RASAL2: variants seen among roughly 807,000 people sequenced by gnomAD.
The protein encoded by RASAL2 is RAS protein activator like 2.
RASAL2 carries 58 observed loss-of-function variants against 128.9 expected under a neutral mutation model. That is an observed-to-expected ratio of 0.45 (90% CI 0.36 to 0.56). RASAL2 has a LOEUF of 0.56. Ranked by LOEUF, RASAL2 falls within the 20% of genes least tolerant of loss-of-function variation. The pLI is 0.00. For synonymous variants in RASAL2, 561 were observed against 580.8 expected, an observed-to-expected ratio of 0.97 and a Z score of 0.49; for missense variants, 1,360 against 1,601.6, an observed-to-expected ratio of 0.85 and a Z score of 2.57.
intron 1 of RASAL2, chr1:178,123,220 CAT>C (rs1253173393): frequency 4.6e-5 from 7 of 152,156 alleles, no homozygotes; most frequent in Non-Finnish European, 8.8e-5. Context: ...GATCTCCTGA[CAT>C]AGAACATTCA....
intron 3 of RASAL2, among the ~76,000 whole-genome samples, chr1:178,362,569 G>A (rs193195716): frequency 6.1e-4 from 90 of 147,666 alleles, no homozygotes; most frequent in African/African-American, 2.1e-3. Flanking sequence ...TAGTCCTCAT[G>A]TTGTACACTA....
chr1:178,096,273 G>A (rs1199438709), intron 1 of RASAL2, among the ~76,000 whole-genome samples: 1 of 152,152 alleles, frequency 6.6e-6, no homozygotes, highest in Non-Finnish European at 1.5e-5. Flanking sequence ...TGTGATGTTA[G>A]AAATAGGGCC....
At chr1:178,137,751 A>G (rs977791922) in intron 1 of RASAL2, among the ~76,000 whole-genome samples, 2 of 152,210 alleles carry the variant, frequency 1.3e-5, no homozygotes, top group Non-Finnish European at 2.9e-5. Flanking sequence ...CAAATGGTCA[A>G]CAAAAAGTAG....
At chr1:178,228,838 A>G (rs1237823772) in intron 1 of RASAL2, among the ~76,000 whole-genome samples, 1 of 152,166 alleles carries the variant, frequency 6.6e-6, no homozygotes, top group Non-Finnish European at 1.5e-5. Context: ...CCCTCATAAA[A>G]TCTATGAAGC....
intron 4 of RASAL2, among the ~76,000 whole-genome samples, chr1:178,397,795 T>C (rs1673341597): frequency 6.6e-6 from 1 of 151,146 alleles, no homozygotes; most frequent in Admixed American, 6.6e-5. Context: ...TTTTAACTTT[T>C]GGAGAGATGG....
intron 10 of RASAL2, 88 bp from the exon 11 acceptor site, chr1:178,452,328 C>T: frequency 8.6e-7 from 1 of 1,165,856 alleles, no homozygotes. Context: ...GACTCTTAAG[C>T]AAAAGTATAT....
intron 1 of RASAL2, among the ~76,000 whole-genome samples, chr1:178,159,904 A>G (rs1661216308): frequency 6.6e-6 from 1 of 152,098 alleles, no homozygotes; most frequent in Non-Finnish European, 1.5e-5. Context: ...GACTCTGTCT[A>G]AAACAAACAA....
chr1:178,197,732 G>T (rs1299099347), intron 1 of RASAL2, among the ~76,000 whole-genome samples: 1 of 151,976 alleles, frequency 6.6e-6, no homozygotes, highest in African/African-American at 2.4e-5. Flanking sequence ...TAAGTTCTAG[G>T]GTACATGTGC....
intron 1 of RASAL2, among the ~76,000 whole-genome samples, chr1:178,109,760 G>A (rs765087679): frequency 2.1e-4 from 32 of 152,230 alleles, no homozygotes; most frequent in Middle Eastern, 3.4e-3. Flanking sequence ...GTTGGCTGAC[G>A]TCTATAATCC....
chr1:178,472,924 A>T, intron 17 of RASAL2, 151 bp from the exon 18 acceptor site: 1 of 825,366 alleles, frequency 1.2e-6, no homozygotes, highest in Non-Finnish European at 1.9e-6. Context: ...GAACCTGACC[A>T]GTGTGCAGAA....
chr1:178,118,500 T>C (rs2102266945), intron 1 of RASAL2, among the ~76,000 whole-genome samples: 1 of 152,296 alleles, frequency 6.6e-6, no homozygotes, highest in South Asian at 2.1e-4. Context: ...GTTGATCCTA[T>C]TCTAGCATGG....
chr1:178,307,085 G>A (rs2102290314), intron 3 of RASAL2, among the ~76,000 whole-genome samples: 1 of 151,030 alleles, frequency 6.6e-6, no homozygotes, highest in East Asian at 1.9e-4. Context: ...TTATATAACA[G>A]CATGTGCAGT....
intron 1 of RASAL2, among the ~76,000 whole-genome samples, chr1:178,116,672 C>T (rs1243972823): frequency 6.6e-6 from 1 of 152,064 alleles, no homozygotes; most frequent in African/African-American, 2.4e-5. Flanking sequence ...TGCAGTGGCA[C>T]GATCTCGGCT....
intron 1 of RASAL2, among the ~76,000 whole-genome samples, chr1:178,185,946 T>A (rs887777861): frequency 1.1e-4 from 17 of 152,118 alleles, no homozygotes; most frequent in Non-Finnish European, 4.4e-5. Flanking sequence ...CTGGAAGAGA[T>A]TGTGGAGAAT....
intron 1 of RASAL2, among the ~76,000 whole-genome samples, chr1:178,193,955 A>G (rs1332948): frequency 0.028 from 4,287 of 152,292 alleles, 79 homozygotes; most frequent in East Asian, 0.087. Context: ...GAAAAAGCCC[A>G]CATTCTATCA....
At chr1:178,459,430 G>T (rs1678019608) in intron 14 of RASAL2, among the ~76,000 whole-genome samples, 1 of 151,868 alleles carries the variant, frequency 6.6e-6, no homozygotes, top group African/African-American at 2.4e-5. Context: ...TGTATTAGTT[G>T]AATTTTTTTT....
At chr1:178,110,572 ATATGTAGTATATATATG>A in intron 1 of RASAL2, among the ~76,000 whole-genome samples, 1 of 145,988 alleles carries the variant, frequency 6.8e-6, no homozygotes, top group Non-Finnish European at 1.5e-5. Context: ...TATATATAGC[ATATGTAGTATATATATG>A]CTATATATAC....
intron 3 of RASAL2, among the ~76,000 whole-genome samples, chr1:178,374,300 A>G (rs192389625): frequency 1.4e-3 from 209 of 152,236 alleles, no homozygotes; most frequent in African/African-American, 4.8e-3. Context: ...GCTTTTCCCA[A>G]TGAAGATGCC....
intron 3 of RASAL2, among the ~76,000 whole-genome samples, chr1:178,351,207 T>G (rs181440552): frequency 3.7e-4 from 56 of 152,288 alleles, no homozygotes; most frequent in African/African-American, 1.2e-3. Flanking sequence ...GGATTATAAT[T>G]TGACATGAGA....
Sources: gnomAD v4.1 joint callset for allele counts (sites outside exome capture counted in the v4.1 genomes callset) on GRCh38, gnomAD v4.1.1 for gene constraint, MANE v1.5 for transcripts, NCBI Gene and HGNC (gene_info 2026-07-23, HGNC 2026-07-21) for gene names.